The following LRBA variants were observed in gnomAD, a reference collection of about 807,000 sequenced individuals.
The protein encoded by LRBA is lipopolysaccharide-responsive and beige-like anchor protein.
A neutral mutation model predicts 330.0 loss-of-function variants in LRBA; 176 were observed. That is an observed-to-expected ratio of 0.53 (90% confidence interval 0.47 to 0.60). LRBA has a LOEUF of 0.60. LRBA is among the 20% of genes least tolerant of loss of function. The probability of loss-of-function intolerance (pLI) is 0.00; values close to 1 mark genes in which losing one functional copy is unlikely to be tolerated. For missense variants in LRBA, 3,259 were observed against 3,444.8 expected (o/e 0.95, Z 1.35); for synonymous variants, 1,230 against 1,193.0 (o/e 1.03, Z -0.64).
intron 40 of LRBA, among the ~76,000 whole-genome samples, chr4:150,569,284 GT>G (rs1406919739): frequency 2.0e-5 from 3 of 152,072 alleles, no homozygotes; most frequent in African/African-American, 7.2e-5. Flanking sequence ...ACCTAAGTGT[GT>G]TTAAGGAACA....
chr4:150,463,771 T>C (rs12643882), intron 44 of LRBA, among the ~76,000 whole-genome samples: 92,958 of 151,756 alleles, frequency 0.61, 31,435 homozygotes, highest in Non-Finnish European at 0.75. Flanking sequence ...TAATCTACAA[T>C]AGCATTTTTC....
At position 150,850,953 on chromosome 4, in the gene LRBA, G is replaced by C. The variant is rs757666691; in HGVS notation, c.3826-51C>G. ...AAAATAGGTTCAACTTCAGCAGGAG[G>C]CTTTAGCAAAGTAAATAATTTAGTA... On this transcript the variant is annotated intron_variant, in intron 23 of 56. Coordinates refer to ENST00000651943, the MANE Select transcript of LRBA (RefSeq NM_001364905.1). The C allele has an allele frequency of 2.9e-6, 4 of 1,361,632 alleles. No individual in the cohort carries two copies. In the South Asian group the frequency reaches 5.4e-5, roughly 18 times the overall value. The allele number at this position is 1,361,632 out of a possible 1,614,324, so 84.3% of individuals were successfully genotyped here.
At chr4:150,562,129 A>G (rs903412984) in intron 40 of LRBA, among the ~76,000 whole-genome samples, 6 of 151,922 alleles carry the variant, frequency 3.9e-5, no homozygotes, top group Non-Finnish European at 8.8e-5. Context: ...GTATCTCCTG[A>G]GCTTCTTGGC....
intron 47 of LRBA, among the ~76,000 whole-genome samples, chr4:150,352,405 T>A (rs1197534911): frequency 6.6e-6 from 1 of 152,214 alleles, no homozygotes; most frequent in African/African-American, 2.4e-5. Flanking sequence ...ATCACAAATA[T>A]AAAATTGAAA....
intron 44 of LRBA, among the ~76,000 whole-genome samples, chr4:150,448,738 G>A (rs1014594466): frequency 6.4e-5 from 9 of 139,818 alleles, no homozygotes; most frequent in Non-Finnish European, 3.0e-5. Context: ...GAAGGCAGAG[G>A]TTGCAGTGAG....
chr4:150,900,348 C>T (rs1166554739), intron 13 of LRBA, 131 bp from the exon 14 acceptor site: 3 of 591,782 alleles, frequency 5.1e-6, no homozygotes, highest in Non-Finnish European at 8.7e-6. Context: ...TAATAATATC[C>T]ATATTAGACA....
intron 46 of LRBA, among the ~76,000 whole-genome samples, chr4:150,417,689 C>T (rs1366822262): frequency 2.0e-5 from 3 of 152,014 alleles, no homozygotes; most frequent in African/African-American, 7.2e-5. Flanking sequence ...TGCTAGTTTT[C>T]CCCTGAGTTT....
rs138424165 is a variant in LRBA at position 150,663,898 on chromosome 4, C to T, written c.5921+19653G>A. Among the ~76,000 whole-genome samples, 1,294 of 151,988 alleles carry T rather than the reference C, an allele frequency of 8.5e-3. 19 individuals carry two copies. Among genetic ancestry groups the T allele is most frequent in the African/African-American group, 0.015 (625 of 41,434 alleles). On this transcript the variant is annotated intron_variant, in intron 37 of 56. Coordinates refer to ENST00000651943, the MANE Select transcript of LRBA (RefSeq NM_001364905.1). ...AAAGTACTTGGACACAGTCACATTT[C>T]GGAAGGATTCTGAAAGACAAATGGG...
intron 36 of LRBA, among the ~76,000 whole-genome samples, chr4:150,730,960 G>C (rs1730375778): frequency 6.6e-6 from 1 of 152,188 alleles, no homozygotes; most frequent in African/African-American, 2.4e-5. Context: ...GGAGGTTGCA[G>C]TGAGCCAAGA....
At chr4:150,978,123 C>G (rs1033861035) in intron 2 of LRBA, among the ~76,000 whole-genome samples, 8 of 152,234 alleles carry the variant, frequency 5.3e-5, no homozygotes, top group African/African-American at 1.9e-4. Context: ...CCAGCACAGT[C>G]CCAATGGTGG....
chr4:150,961,070 G>A (rs1484456313), intron 2 of LRBA, among the ~76,000 whole-genome samples: 2 of 148,798 alleles, frequency 1.3e-5, no homozygotes, highest in Non-Finnish European at 2.9e-5. Flanking sequence ...TGATGGTGAT[G>A]GGGGAGACAG....
intron 49 of LRBA, among the ~76,000 whole-genome samples, chr4:150,325,048 T>C (rs139954081): frequency 5.6e-4 from 85 of 152,204 alleles, no homozygotes; most frequent in Non-Finnish European, 8.1e-4. Context: ...ACCAATGAAA[T>C]GTGGCATAAA....
rs753000515 is a variant in LRBA at position 150,914,221 on chromosome 4, T to C, written c.1135A>G (p.Ile379Val). The change falls in exon 9 of 57, where the codon ATT becomes GTT. Residue 379 changes from isoleucine to valine, a missense_variant. Physicochemically the swap from Ile to Val is conservative, Grantham distance 29. Transcript: ENST00000651943. ...EALNAAQIFA[I>V]YQLGLGYKGT... ...TTGTATCCCAGGCCCAACTGATAAA[T>C]AGCAAATATCTGAGCTGCATTTAGA... 3.1e-6 allele frequency: 5 copies of C among 1,608,368 alleles called. No individual in the cohort carries two copies. Among genetic ancestry groups the C allele is most frequent in the Non-Finnish European group, 4.2e-6 (5 of 1,177,056 alleles).
At chr4:150,603,720 G>A (rs750009928) in intron 37 of LRBA, among the ~76,000 whole-genome samples, 6 of 151,954 alleles carry the variant, frequency 3.9e-5, no homozygotes, top group Admixed American at 1.3e-4. Flanking sequence ...GGCTGGTTTC[G>A]AACTCTTGGC....
At chr4:150,640,215 T>C (rs895764954) in intron 37 of LRBA, among the ~76,000 whole-genome samples, 20 of 152,184 alleles carry the variant, frequency 1.3e-4, no homozygotes, top group African/African-American at 4.6e-4. Context: ...TAAAAATGAA[T>C]GTTGTCTGCT....
At chr4:150,926,541 G>A (rs1405403789) in intron 4 of LRBA, among the ~76,000 whole-genome samples, 1 of 152,096 alleles carries the variant, frequency 6.6e-6, no homozygotes, top group Admixed American at 6.6e-5. Context: ...CCAACACTCA[G>A]CAACATAAAA....
At chr4:150,897,473 A>G (rs973275942) in intron 15 of LRBA, among the ~76,000 whole-genome samples, 1 of 152,064 alleles carries the variant, frequency 6.6e-6, no homozygotes, top group Non-Finnish European at 1.5e-5. Context: ...AACATAGTAA[A>G]TATTTGCTGA....
At chr4:150,809,860 G>A (rs1373909979) in intron 31 of LRBA, among the ~76,000 whole-genome samples, 1 of 13,278 alleles carries the variant, frequency 7.5e-5, no homozygotes, top group Non-Finnish European at 1.6e-4. Flanking sequence ...AATACGATAC[G>A]ATACGATACG....
chr4:150,737,315 C>A (rs1731307681), intron 35 of LRBA, among the ~76,000 whole-genome samples: 1 of 151,990 alleles, frequency 6.6e-6, no homozygotes, highest in South Asian at 2.1e-4. Flanking sequence ...TAAAAATTAG[C>A]CAGGCATGAT....
Sources: gnomAD v4.1 joint callset for allele counts (sites outside exome capture counted in the v4.1 genomes callset) on GRCh38, gnomAD v4.1.1 for gene constraint, MANE v1.5 for transcripts, NCBI Gene and HGNC (gene_info 2026-07-23, HGNC 2026-07-21) for gene names.